Variants in PIP4K2A observed in about 807,000 individuals in gnomAD.
The protein encoded by PIP4K2A is phosphatidylinositol-5-phosphate 4-kinase type 2 alpha, also known as phosphatidylinositol 5-phosphate 4-kinase type-2 alpha.
PIP4K2A carries 14 observed loss-of-function variants against 42.9 expected under a neutral mutation model. The ratio of observed to expected loss-of-function variants is 0.33; its 90% confidence interval spans 0.22 to 0.51. The LOEUF is 0.51. PIP4K2A is among the 20% of genes least tolerant of loss of function. PIP4K2A has a pLI of 0.97. For synonymous variants in PIP4K2A, 192 were observed against 192.2 expected (o/e 1.00, Z 0.01); for missense variants, 434 against 519.8 (o/e 0.83, Z 1.61).
rs150479448 is a variant in PIP4K2A at position 22,628,652 on chromosome 10, T to C, written c.145-18935A>G. Among the ~76,000 whole-genome samples the C allele has an allele frequency of 5.2e-3, 799 of 152,296 alleles. 10 individuals are homozygous for C. The highest frequency in any genetic ancestry group is 0.018 in the African/African-American group (752 of 41,568). On this transcript the variant is annotated intron_variant, in intron 1 of 9. Transcript: ENST00000376573. ...TAAGATTCACATTGGTTAGGACATCTTGAAGCAGGGGAAGGCAGGCCTTCC... is the reference window on the plus strand; with the variant it reads ...TAAGATTCACATTGGTTAGGACATCCTGAAGCAGGGGAAGGCAGGCCTTCC...
intron 3 of PIP4K2A, among the ~76,000 whole-genome samples, chr10:22,604,018 C>A (rs1837853080): frequency 6.6e-6 from 1 of 151,556 alleles, no homozygotes; most frequent in Non-Finnish European, 1.5e-5. Flanking sequence ...CGCACACACA[C>A]ACACACACAC....
At chr10:22,596,498 C>T (rs1440453151) in intron 3 of PIP4K2A, among the ~76,000 whole-genome samples, 1 of 152,216 alleles carries the variant, frequency 6.6e-6, no homozygotes, top group Non-Finnish European at 1.5e-5. Context: ...CTTATATCTT[C>T]AACACAGTCA....
chr10:22,681,364 CACCTGGCTTCTCAAG>C (rs1275213984), intron 1 of PIP4K2A, among the ~76,000 whole-genome samples: 4 of 152,226 alleles, frequency 2.6e-5, no homozygotes, highest in Non-Finnish European at 5.9e-5. Context: ...CCTTCTGAGC[CACCTGGCTTCTCAAG>C]ACCTGGCTTC....
chr10:22,653,047 T>C (rs115538742), intron 1 of PIP4K2A, among the ~76,000 whole-genome samples: 179 of 152,146 alleles, frequency 1.2e-3, no homozygotes, highest in African/African-American at 4.1e-3. Context: ...TGAGCTATGA[T>C]GGTGCTGCTG....
chr10:22,570,388 C>T (rs1836956279), intron 5 of PIP4K2A, among the ~76,000 whole-genome samples: 1 of 152,236 alleles, frequency 6.6e-6, no homozygotes, highest in South Asian at 2.1e-4. Flanking sequence ...GGAAGTCAGA[C>T]AGAGTCCTGT....
chr10:22,648,287 A>G (rs1564454768), intron 1 of PIP4K2A, among the ~76,000 whole-genome samples: 2 of 152,258 alleles, frequency 1.3e-5, no homozygotes, highest in East Asian at 3.8e-4. Flanking sequence ...AAAAAACTCA[A>G]TTAAGGACGG....
chr10:22,587,936 C>T (rs1440618122), intron 4 of PIP4K2A, among the ~76,000 whole-genome samples: 1 of 152,226 alleles, frequency 6.6e-6, no homozygotes, highest in African/African-American at 2.4e-5. Context: ...GACCTGCCCT[C>T]AGTGAGCCTA....
chr10:22,711,914 A>G (rs1421018417), intron 1 of PIP4K2A, among the ~76,000 whole-genome samples: 1 of 151,898 alleles, frequency 6.6e-6, no homozygotes, highest in Non-Finnish European at 1.5e-5. Flanking sequence ...AGACATTTTG[A>G]AAAAAAAGGC....
chr10:22,557,957 G>A (rs1836593357), intron 6 of PIP4K2A, among the ~76,000 whole-genome samples: 1 of 152,164 alleles, frequency 6.6e-6, no homozygotes, highest in South Asian at 2.1e-4. Context: ...TTGGCACTAG[G>A]TTTTAATGCA....
chr10:22,621,274 A>G (rs915936702), intron 1 of PIP4K2A, among the ~76,000 whole-genome samples: 8 of 152,216 alleles, frequency 5.3e-5, no homozygotes, highest in Non-Finnish European at 8.8e-5. Flanking sequence ...GCCACTTGCA[A>G]TTGAAGACAC....
intron 1 of PIP4K2A, among the ~76,000 whole-genome samples, chr10:22,612,640 G>C (rs1482965802): frequency 6.6e-6 from 1 of 152,202 alleles, no homozygotes; most frequent in Admixed American, 6.5e-5. Flanking sequence ...ACTCCGGCAT[G>C]CTGAAGTGCT....
intron 4 of PIP4K2A, among the ~76,000 whole-genome samples, chr10:22,587,795 T>A (rs1437215592): frequency 6.6e-6 from 1 of 152,232 alleles, no homozygotes; most frequent in Non-Finnish European, 1.5e-5. Flanking sequence ...ATAGCCTTTC[T>A]CTGTAGAACA....
chr10:22,713,898 G>A, intron 1 of PIP4K2A: 2 of 243,958 alleles, frequency 8.2e-6, no homozygotes, highest in Non-Finnish European at 7.9e-6. Flanking sequence ...GCGGGCGGGC[G>A]GACCGGGGGC....
chr10:22,586,220 T>C (rs1323199583), intron 4 of PIP4K2A, among the ~76,000 whole-genome samples: 1 of 152,232 alleles, frequency 6.6e-6, no homozygotes, highest in African/African-American at 2.4e-5. Context: ...CTGTGCTTAA[T>C]ATGAATTCTC....
intron 3 of PIP4K2A, among the ~76,000 whole-genome samples, chr10:22,599,173 T>A (rs1272571755): frequency 6.6e-6 from 1 of 152,212 alleles, no homozygotes; most frequent in Non-Finnish European, 1.5e-5. Context: ...ATGACTCACA[T>A]ATCATATGAC....
At chr10:22,562,290 T>C (rs913019164) in intron 6 of PIP4K2A, among the ~76,000 whole-genome samples, 5 of 152,236 alleles carry the variant, frequency 3.3e-5, no homozygotes, top group African/African-American at 1.2e-4. Flanking sequence ...GGCTAATGCC[T>C]GTAATCCCAG....
intron 1 of PIP4K2A, among the ~76,000 whole-genome samples, chr10:22,622,886 A>G (rs1214020010): frequency 6.6e-6 from 1 of 152,238 alleles, no homozygotes; most frequent in East Asian, 1.9e-4. Context: ...GGTGAATGCT[A>G]TTATTTTACC....
chr10:22,666,534 G>C (rs1239729442), intron 1 of PIP4K2A, among the ~76,000 whole-genome samples: 1 of 152,112 alleles, frequency 6.6e-6, no homozygotes, highest in Admixed American at 6.6e-5. Flanking sequence ...TAGAACCAAG[G>C]AACAGCTCTA....
chr10:22,669,565 T>G (rs888474071), intron 1 of PIP4K2A, among the ~76,000 whole-genome samples: 16 of 152,150 alleles, frequency 1.1e-4, no homozygotes, highest in African/African-American at 3.6e-4. Context: ...CTAAGTCCTC[T>G]CCACAGAGTC....
Sources: allele counts gnomAD v4.1 joint callset (sites outside exome capture counted in the v4.1 genomes callset), GRCh38; gene constraint gnomAD v4.1.1; transcripts MANE v1.5; gene names NCBI Gene and HGNC (gene_info 2026-07-23, HGNC 2026-07-21).